The following OTULINL variants were observed in gnomAD, a reference collection of about 807,000 sequenced individuals.
OTULINL encodes the protein OTU deubiquitinase with linear linkage specificity like.
In OTULINL, 42 loss-of-function variants were observed where a neutral mutation model predicts 43.9. The observed-to-expected ratio is 0.96, with a 90% confidence interval of 0.75 to 1.24. The LOEUF (loss-of-function observed/expected upper bound fraction) is 1.24, where lower values mean the gene tolerates loss of function less well. OTULINL is among the 50% of genes most tolerant of loss of function. The pLI, the probability that OTULINL is intolerant of heterozygous loss-of-function variation, is 0.00. For synonymous variants in OTULINL, 172 were observed against 153.6 expected, an observed-to-expected ratio of 1.12 and a Z score of -0.88; for missense variants, 411 against 426.4, an observed-to-expected ratio of 0.96 and a Z score of 0.32.
rs866459657 is a variant in OTULINL at position 14,607,458 on chromosome 5, G to A, written c.627G>A (p.Gln209=). The A allele has an allele frequency of 6.2e-7, 1 of 1,613,682 alleles. No individual in the cohort carries two copies. Among genetic ancestry groups the A allele is most frequent in the Non-Finnish European group, 8.5e-7 (1 of 1,179,832 alleles). The change falls in exon 6 of 8, where the codon CAG becomes CAA. Residue 209 remains glutamine, a splice_region_variant and synonymous_variant. Transcript: ENST00000274217. ...LRKYVELLKT[Q]WTEFNGIRDY... The stretch of plus-strand genomic sequence containing the variant: ...AATATGTGGAATTATTGAAAACACA[G>A]GTAAGTGTTTGCGGGGGAAATAAAA...
chr5:14,592,170 C>T (rs565917341), intron 1 of OTULINL, among the ~76,000 whole-genome samples: 2 of 152,254 alleles, frequency 1.3e-5, no homozygotes, highest in South Asian at 4.1e-4. Context: ...CTGGGGATCA[C>T]ACCCAGGACA....
At chr5:14,582,025 G>T (rs962773321) in intron 1 of OTULINL, 67 bp downstream of exon 1, 2 of 1,127,446 alleles carry the variant, frequency 1.8e-6, no homozygotes, top group African/African-American at 3.3e-5. Flanking sequence ...GGGCGGGGTC[G>T]CAGGCAGCCA....
intron 7 of OTULINL, among the ~76,000 whole-genome samples, chr5:14,609,326 G>C (rs947191306): frequency 6.6e-6 from 1 of 152,118 alleles, no homozygotes; most frequent in African/African-American, 2.4e-5. Flanking sequence ...AAGTCCAGGT[G>C]GAAAATGAGA....
intron 1 of OTULINL, among the ~76,000 whole-genome samples, chr5:14,586,911 A>G (rs1461351344): frequency 6.6e-6 from 1 of 151,186 alleles, no homozygotes; most frequent in Non-Finnish European, 1.5e-5. Context: ...CCTGTCCTGT[A>G]CCCACGACAG....
rs1277822215 is a variant in OTULINL at position 14,611,706 on chromosome 5, T to G, written c.*1392T>G. The G allele has an allele frequency of 7.0e-6, 1 of 143,472 alleles. No individual in the cohort carries two copies. The highest frequency in any genetic ancestry group is 6.8e-5 in the Admixed American group (1 of 14,698). The allele number at this position is 143,472 out of a possible 1,614,324, so 8.9% of individuals were successfully genotyped here. On this transcript the variant is annotated 3_prime_UTR_variant, in exon 8 of 8. Transcript: ENST00000274217. ...ATACTTTTCTAGTTTAATTTGATAG[T>G]TTTTTTTTTGGAGGTACTTTGCTAG...
At chr5:14,584,565 G>A (rs1311411890) in intron 1 of OTULINL, among the ~76,000 whole-genome samples, 2 of 152,166 alleles carry the variant, frequency 1.3e-5, no homozygotes, top group African/African-American at 2.4e-5. Flanking sequence ...TGCTTCTTGT[G>A]TCTTCGTTCA....
chr5:14,601,683 G>C (rs1244721969), intron 4 of OTULINL, among the ~76,000 whole-genome samples: 1 of 152,212 alleles, frequency 6.6e-6, no homozygotes, highest in East Asian at 1.9e-4. Flanking sequence ...GGAAACTCAG[G>C]CATTGTGCCT....
At chr5:14,595,843 T>C (rs1218997586) in intron 1 of OTULINL, among the ~76,000 whole-genome samples, 1 of 152,010 alleles carries the variant, frequency 6.6e-6, no homozygotes, top group Non-Finnish European at 1.5e-5. Context: ...CCAACATGCA[T>C]TAATGCTGAT....
intron 1 of OTULINL, among the ~76,000 whole-genome samples, chr5:14,586,916 C>T (rs187313222): frequency 7.4e-4 from 113 of 151,822 alleles, no homozygotes; most frequent in African/African-American, 2.5e-3. Flanking sequence ...CCTGTACCCA[C>T]GACAGTGGAG....
intron 1 of OTULINL, among the ~76,000 whole-genome samples, chr5:14,583,868 C>A (rs1373469288): frequency 1.3e-5 from 2 of 152,066 alleles, no homozygotes; most frequent in African/African-American, 4.8e-5. Flanking sequence ...TAAAACCAGA[C>A]AACAGAAGAA....
chr5:14,605,405 T>C (rs986777146), intron 5 of OTULINL, among the ~76,000 whole-genome samples: 2 of 21,668 alleles, frequency 9.2e-5, no homozygotes, highest in African/African-American at 3.5e-4. Flanking sequence ...ATGGGGCGGG[T>C]GGGGGGGCGT....
At chr5:14,608,168 T>C (rs1200116934) in intron 6 of OTULINL, among the ~76,000 whole-genome samples, 3 of 152,214 alleles carry the variant, frequency 2.0e-5, no homozygotes, top group Non-Finnish European at 4.4e-5. Flanking sequence ...GGTGATACTT[T>C]TTGAAAAAAA....
At position 14,610,554 on chromosome 5, in the gene OTULINL, G is replaced by A. The variant is rs1194691375; in HGVS notation, c.*240G>A. The A allele has an allele frequency of 2.5e-6, 1 of 404,256 alleles. No homozygotes were observed. Among genetic ancestry groups the A allele is most frequent in the African/African-American group, 2.0e-5 (1 of 50,906 alleles). The allele number at this position is 404,256 out of a possible 1,614,324, so 25.0% of individuals were successfully genotyped here. On this transcript the variant is annotated 3_prime_UTR_variant, in exon 8 of 8. Coordinates refer to ENST00000274217, the MANE Select transcript of OTULINL (RefSeq NM_019018.3). ...TGGTGGCTTGACTTTGTCCATAAGG[G>A]GCGTGGCCACTTCACATGATGGCGG...
At chr5:14,594,138 A>G (rs576767526) in intron 1 of OTULINL, among the ~76,000 whole-genome samples, 1 of 152,324 alleles carries the variant, frequency 6.6e-6, no homozygotes, top group East Asian at 1.9e-4. Context: ...CGTAACTGGT[A>G]GAAAAACAAC....
chr5:14,592,965 T>C (rs1283544191), intron 1 of OTULINL, among the ~76,000 whole-genome samples: 2 of 152,222 alleles, frequency 1.3e-5, no homozygotes, highest in African/African-American at 4.8e-5. Context: ...CAACTTCGTT[T>C]AGCTCAGATT....
intron 1 of OTULINL, among the ~76,000 whole-genome samples, chr5:14,594,215 C>T (rs1327014587): frequency 1.3e-5 from 2 of 152,210 alleles, no homozygotes; most frequent in South Asian, 2.1e-4. Context: ...GCTGTGCTAA[C>T]TTCTAGAAAT....
At chr5:14,609,526 T>A (rs1759539763) in intron 7 of OTULINL, among the ~76,000 whole-genome samples, 1 of 152,324 alleles carries the variant, frequency 6.6e-6, no homozygotes, top group South Asian at 2.1e-4. Context: ...TAAAACTGAT[T>A]GAATGATATA....
intron 5 of OTULINL, among the ~76,000 whole-genome samples, chr5:14,604,892 C>G (rs1294715777): frequency 6.6e-6 from 1 of 152,224 alleles, no homozygotes; most frequent in Admixed American, 6.5e-5. Flanking sequence ...AGGCTAGTGT[C>G]AAGTGCCTGT....
chr5:14,606,158 G>A (rs115712950), intron 5 of OTULINL, among the ~76,000 whole-genome samples: 6,165 of 152,268 alleles, frequency 0.04, 215 homozygotes, highest in Admixed American at 0.056. Flanking sequence ...CAATCATGGC[G>A]GAAGTCAGAG....
Sources: allele counts gnomAD v4.1 joint callset (sites outside exome capture counted in the v4.1 genomes callset), GRCh38; gene constraint gnomAD v4.1.1; transcripts MANE v1.5; gene names NCBI Gene and HGNC (gene_info 2026-07-23, HGNC 2026-07-21).